The following KPNA7 variants were observed in gnomAD, a reference collection of about 807,000 sequenced individuals.
KPNA7 encodes the protein karyopherin subunit alpha 7.
Under a neutral mutation model 53.7 loss-of-function variants are expected in KPNA7, and 54 were observed. The observed-to-expected ratio is 1.01, with a 90% CI of 0.81 to 1.26. The LOEUF (loss-of-function observed/expected upper bound fraction) is 1.26, where lower values mean the gene tolerates loss of function less well. Ranked by LOEUF, KPNA7 falls within the 50% of genes most tolerant of loss-of-function variation. KPNA7 has a pLI of 0.00. For synonymous variants in KPNA7, 276 were observed against 259.3 expected (o/e 1.06, Z -0.62); for missense variants, 640 against 644.5 (o/e 0.99, Z 0.07).
upstream of KPNA7, among the ~76,000 whole-genome samples, chr7:99,208,250 ATTTATT>A (rs777092405): frequency 6.7e-6 from 1 of 148,352 alleles, no homozygotes; most frequent in Non-Finnish European, 1.5e-5. Flanking sequence ...CTCACTTTTT[ATTTATT>A]TTATTTATTT....
intron 8 of KPNA7, among the ~76,000 whole-genome samples, chr7:99,184,623 T>C (rs1789481656): frequency 6.6e-6 from 1 of 152,222 alleles, no homozygotes; most frequent in Non-Finnish European, 1.5e-5. Context: ...AGAGAATAGA[T>C]GGCACATTCT....
At chr7:99,159,308 T>C in the KPNA7 span, among the ~76,000 whole-genome samples, 76 of 128,594 alleles carry the variant, frequency 5.9e-4, no homozygotes, top group African/African-American at 2.2e-3. Context: ...ATGATAGTGC[T>C]ACTTCACTCC....
At chr7:99,181,343 G>A (rs755275957) in intron 9 of KPNA7, among the ~76,000 whole-genome samples, 1 of 152,150 alleles carries the variant, frequency 6.6e-6, no homozygotes, top group African/African-American at 2.4e-5. Flanking sequence ...TGATGTGTCT[G>A]TTCTCTGTCA....
intron 10 of KPNA7, among the ~76,000 whole-genome samples, chr7:99,175,392 G>C (rs12113540): frequency 0.016 from 2,488 of 152,142 alleles, 57 homozygotes; most frequent in African/African-American, 0.055. Flanking sequence ...TGCCCAGGCT[G>C]GTCTCGGAGC....
intron 6 of KPNA7, 92 bp downstream of exon 6, chr7:99,192,927 A>C: frequency 3.4e-6 from 3 of 888,014 alleles, no homozygotes; most frequent in Non-Finnish European, 5.0e-6. Flanking sequence ...GTTCAAGACC[A>C]GCCTGGGCAG....
At chr7:99,206,132 C>G (rs756261296) in intron 2 of KPNA7, among the ~76,000 whole-genome samples, 5 of 152,168 alleles carry the variant, frequency 3.3e-5, no homozygotes, top group Non-Finnish European at 5.9e-5. Flanking sequence ...CTTGAGGAAG[C>G]AATCCAGCTC....
intron 3 of KPNA7, among the ~76,000 whole-genome samples, chr7:99,200,226 C>T (rs778411097): frequency 2.6e-5 from 4 of 152,088 alleles, no homozygotes; most frequent in East Asian, 1.9e-4. Flanking sequence ...TTCGTAGAGA[C>T]GCGGTTTCAC....
intron 10 of KPNA7, among the ~76,000 whole-genome samples, chr7:99,174,690 C>T (rs534786390): frequency 2.6e-5 from 4 of 152,068 alleles, no homozygotes; most frequent in African/African-American, 7.2e-5. Flanking sequence ...CATAGAACAC[C>T]GTCCTGACAA....
downstream of KPNA7, among the ~76,000 whole-genome samples, chr7:99,169,897 C>T (rs1042657361): frequency 5.9e-5 from 9 of 152,086 alleles, no homozygotes; most frequent in Middle Eastern, 3.4e-3. Flanking sequence ...AAAAATTAGC[C>T]GGGCATGGTG....
Position 99,199,074 on chromosome 7 carries a change from A to T in KPNA7, c.202-2908T>A, listed in dbSNP as rs964683822. Among the ~76,000 whole-genome samples, 86 of 149,448 alleles carry T rather than the reference A, an allele frequency of 5.8e-4. 2 individuals are homozygous for T. The South Asian group carries it at 9.6e-3, about 17-fold the overall frequency. Reference sequence around the variant, plus strand: ...TTATATGCTGCAAACTGAAAAAAAAAAAAAAAAAAAAAAAGGACTGAAATG... The same window carrying T: ...TTATATGCTGCAAACTGAAAAAAAATAAAAAAAAAAAAAAGGACTGAAATG... On this transcript the variant is annotated intron_variant, in intron 3 of 10. Coordinates refer to ENST00000327442, the MANE Select transcript of KPNA7 (RefSeq NM_001145715.3).
chr7:99,209,830 G>A (rs1056073675), upstream of KPNA7, among the ~76,000 whole-genome samples: 20 of 150,906 alleles, frequency 1.3e-4, no homozygotes, highest in African/African-American at 4.6e-4. Flanking sequence ...AACAAAGCAA[G>A]ACCCCCGTCT....
the KPNA7 span, among the ~76,000 whole-genome samples, chr7:99,162,613 A>G: frequency 2.1e-4 from 32 of 152,132 alleles, no homozygotes; most frequent in Non-Finnish European, 7.4e-5. Context: ...CAGTATTAGT[A>G]TCTTCAAACT....
intron 8 of KPNA7, 129 bp from the exon 9 acceptor site, chr7:99,182,194 T>TGGCTACCTGCCTC (rs1789288896): frequency 3.1e-6 from 2 of 636,512 alleles, no homozygotes; most frequent in South Asian, 4.7e-5. Context: ...TAGAATGCCT[T>TGGCTACCTGCCTC]GGCTACCTGC....
chr7:99,217,686 A>T (rs1461183400), intron 1 of KPNA7, among the ~76,000 whole-genome samples: 2 of 122,620 alleles, frequency 1.6e-5, no homozygotes, highest in Non-Finnish European at 3.1e-5. Context: ...GCTGGAGTGT[A>T]GTGGTGCTAT....
At chr7:99,193,665 C>CT (rs1327013602) in intron 5 of KPNA7, among the ~76,000 whole-genome samples, 1 of 149,504 alleles carries the variant, frequency 6.7e-6, no homozygotes, top group African/African-American at 2.5e-5. Context: ...CTCCTGCAGC[C>CT]TTTTATTTTT....
At chr7:99,170,953 T>C (rs143951310), downstream of KPNA7, among the ~76,000 whole-genome samples, 21 of 152,224 alleles carry the variant, frequency 1.4e-4, no homozygotes, top group East Asian at 4.1e-3. Flanking sequence ...ACAAAGTCCA[T>C]GTTTTCAAAG....
Position 99,192,975 on chromosome 7 carries a change from AT to A in KPNA7, c.636+43del, listed in dbSNP as rs1056610022. On this transcript the variant is annotated intron_variant, in intron 6 of 10. Transcript: ENST00000327442. ...CCATCTCTATTAAGATTATTTTAAAATTTTAATTTAAAAAAAAAAAAAGAGA... is the reference window on the plus strand; with the variant it reads ...CCATCTCTATTAAGATTATTTTAAAATTTAATTTAAAAAAAAAAAAAGAGA... The A allele has an allele frequency of 4.4e-6, 6 of 1,349,632 alleles. No homozygotes were observed. The African/African-American group carries it at 7.8e-5, about 18-fold the overall frequency. 83.6% of individuals were successfully genotyped at this position (1,349,632 alleles called of 1,614,324 possible). A position where few individuals can be genotyped will look rare whatever the true frequency, so the allele number is the denominator to read the frequency against.
At chr7:99,159,112 G>A in the KPNA7 span, among the ~76,000 whole-genome samples, 172 of 152,024 alleles carry the variant, frequency 1.1e-3, no homozygotes, top group Non-Finnish European at 2.2e-3. Context: ...TGATCTGCCC[G>A]CCTCAGGCTC....
At chr7:99,175,206 C>T (rs915184016) in intron 10 of KPNA7, among the ~76,000 whole-genome samples, 2 of 152,028 alleles carry the variant, frequency 1.3e-5, no homozygotes, top group African/African-American at 4.8e-5. Flanking sequence ...CCTTTGAGAG[C>T]ATTTTTTTTC....
Sources: gnomAD v4.1 joint callset for allele counts (sites outside exome capture counted in the v4.1 genomes callset) on GRCh38, gnomAD v4.1.1 for gene constraint, MANE v1.5 for transcripts, NCBI Gene and HGNC (gene_info 2026-07-23, HGNC 2026-07-21) for gene names.